ADAMTS17: variants seen among roughly 807,000 people sequenced by gnomAD.
The protein encoded by ADAMTS17 is ADAM metallopeptidase with thrombospondin type 1 motif 17.
A neutral mutation model predicts 141.5 loss-of-function variants in ADAMTS17; 113 were observed. That is an observed-to-expected ratio of 0.80 (90% CI 0.69 to 0.93). The LOEUF (loss-of-function observed/expected upper bound fraction) is 0.93, where lower values mean the gene tolerates loss of function less well. ADAMTS17 is among the 40% of genes least tolerant of loss of function. The pLI is 0.00. For missense variants in ADAMTS17, 1,659 were observed against 1,517.9 expected (o/e 1.09, Z -1.54); for synonymous variants, 768 against 630.6 (o/e 1.22, Z -3.27).
In ADAMTS17 at chr15:100,076,800, T is replaced by C. The variant is rs561602108; in HGVS notation, c.2137+19556A>G. Among the ~76,000 whole-genome samples the C allele has an allele frequency of 1.3e-4, 20 of 152,330 alleles. No homozygotes were observed. In the South Asian group the frequency reaches 3.7e-3, roughly 28 times the overall value. ...ATACTACACAAACAAAAACATAGCA[T>C]AGTATTTTCATATTTACATTTGTCT... On this transcript the variant is annotated intron_variant, in intron 15 of 21. Coordinates refer to ENST00000268070, the MANE Select transcript of ADAMTS17 (RefSeq NM_139057.4).
chr15:99,972,925 A>C lies in ADAMTS17; in HGVS notation c.*1477T>G, dbSNP rs1260891377. 1 of 152,246 alleles carries C rather than the reference A, an allele frequency of 6.6e-6. No individual in the cohort carries two copies. The highest frequency in any genetic ancestry group is 2.4e-5 in the African/African-American group (1 of 41,446). The allele number at this position is 152,246 out of a possible 1,614,324, so 9.4% of individuals were successfully genotyped here. A position where few individuals can be genotyped will look rare whatever the true frequency, so the allele number is the denominator to read the frequency against. On this transcript the variant is annotated 3_prime_UTR_variant, in exon 22 of 22. Coordinates refer to ENST00000268070, the MANE Select transcript of ADAMTS17 (RefSeq NM_139057.4). ...ATAAATCAAGAAGCACAGGGAGATG[A>C]TCCCATGGAAGTCCAAGTGAGACCT...
intron 2 of ADAMTS17, among the ~76,000 whole-genome samples, chr15:100,338,793 C>T (rs1388281024): frequency 6.6e-6 from 1 of 152,212 alleles, no homozygotes; most frequent in African/African-American, 2.4e-5. Context: ...AGAGCTTCTA[C>T]CACAGTACCA....
intron 7 of ADAMTS17, among the ~76,000 whole-genome samples, chr15:100,245,639 C>G (rs924539518): frequency 1.3e-5 from 2 of 152,210 alleles, no homozygotes; most frequent in African/African-American, 4.8e-5. Context: ...AACTTGGTCC[C>G]CTGGGGCAAC....
chr15:100,279,444 A>T (rs1252236162), intron 4 of ADAMTS17, among the ~76,000 whole-genome samples: 1 of 152,102 alleles, frequency 6.6e-6, no homozygotes, highest in African/African-American at 2.4e-5. Context: ...TCATCTCCCT[A>T]CCCCACAACC....
chr15:100,321,383 A>C lies in ADAMTS17; in HGVS notation c.616+9506T>G, dbSNP rs180778087. On this transcript the variant is annotated intron_variant, in intron 3 of 21. Coordinates refer to ENST00000268070, the MANE Select transcript of ADAMTS17 (RefSeq NM_139057.4). ...CAATACTAGAAACATGAAAACACTA[A>C]CTCTGCCAATGAAAAAACATATTCC... 2.0e-5 allele frequency among the ~76,000 whole-genome samples: 3 copies of C among 152,316 alleles called. No homozygotes were observed. In the East Asian group the frequency reaches 5.8e-4, roughly 29 times the overall value.
At chr15:100,283,843 C>A (rs1053811652) in intron 3 of ADAMTS17, among the ~76,000 whole-genome samples, 1 of 152,160 alleles carries the variant, frequency 6.6e-6, no homozygotes, top group East Asian at 1.9e-4. Flanking sequence ...CAGTGGCTCA[C>A]GCCTGTAATC....
At chr15:100,037,419 T>C (rs576529813) in intron 18 of ADAMTS17, among the ~76,000 whole-genome samples, 6 of 136,486 alleles carry the variant, frequency 4.4e-5, no homozygotes, top group East Asian at 4.1e-4. Flanking sequence ...TTTTTTTTTT[T>C]CTTCTTTTTG....
At chr15:100,230,072 A>G (rs2042429356) in intron 7 of ADAMTS17, among the ~76,000 whole-genome samples, 2 of 152,364 alleles carry the variant, frequency 1.3e-5, no homozygotes, top group South Asian at 4.1e-4. Context: ...TTCCTGGCCA[A>G]GCTGCACGAG....
chr15:100,082,997 G>A (rs2034855975), intron 15 of ADAMTS17, among the ~76,000 whole-genome samples: 1 of 152,112 alleles, frequency 6.6e-6, no homozygotes, highest in Non-Finnish European at 1.5e-5. Context: ...AACTCCTAGA[G>A]CTGCTGTGTT....
chr15:100,030,673 G>A (rs998707004), intron 18 of ADAMTS17, among the ~76,000 whole-genome samples: 1 of 152,176 alleles, frequency 6.6e-6, no homozygotes, highest in Admixed American at 6.5e-5. Context: ...CATTCAAGAG[G>A]TTAGAAATGA....
intron 7 of ADAMTS17, among the ~76,000 whole-genome samples, chr15:100,240,331 C>T (rs1398655886): frequency 6.6e-6 from 1 of 152,258 alleles, no homozygotes; most frequent in Non-Finnish European, 1.5e-5. Flanking sequence ...CAGATGCCTT[C>T]AGCAACGTCA....
At chr15:100,114,397 C>T (rs2036983159) in intron 13 of ADAMTS17, among the ~76,000 whole-genome samples, 1 of 152,082 alleles carries the variant, frequency 6.6e-6, no homozygotes, top group Admixed American at 6.5e-5. Flanking sequence ...ACTTATAATC[C>T]GTATTCCCCT....
intron 14 of ADAMTS17, among the ~76,000 whole-genome samples, chr15:100,101,396 A>G (rs985108720): frequency 1.3e-5 from 2 of 152,250 alleles, no homozygotes; most frequent in Non-Finnish European, 2.9e-5. Context: ...CCAGCACACA[A>G]TACAGTGTGC....
chr15:100,143,378 G>A (rs2038749734), intron 10 of ADAMTS17, among the ~76,000 whole-genome samples: 1 of 152,214 alleles, frequency 6.6e-6, no homozygotes, highest in African/African-American at 2.4e-5. Context: ...CAGTGACTTT[G>A]CTGACAGACA....
intron 12 of ADAMTS17, among the ~76,000 whole-genome samples, chr15:100,124,625 T>G (rs74037400): frequency 6.6e-6 from 1 of 152,226 alleles, no homozygotes; most frequent in Non-Finnish European, 1.5e-5. Flanking sequence ...TGTACTGACA[T>G]ATACCTGCAC....
intron 3 of ADAMTS17, among the ~76,000 whole-genome samples, chr15:100,304,648 G>C (rs983497589): frequency 6.6e-6 from 1 of 152,110 alleles, no homozygotes; most frequent in African/African-American, 2.4e-5. Flanking sequence ...TGCCTCCTGA[G>C]GGACTACCTC....
At chr15:100,136,594 G>A (rs1168060638) in intron 10 of ADAMTS17, among the ~76,000 whole-genome samples, 1 of 152,220 alleles carries the variant, frequency 6.6e-6, no homozygotes, top group East Asian at 1.9e-4. Context: ...AGGCAGGCAG[G>A]AGGGGGCTTT....
chr15:100,088,549 A>G (rs1567153245), intron 15 of ADAMTS17, among the ~76,000 whole-genome samples: 2 of 152,152 alleles, frequency 1.3e-5, no homozygotes, highest in Non-Finnish European at 2.9e-5. Flanking sequence ...CTAAGCCAAA[A>G]GAACAAAGCT....
rs2032175118 is a variant in ADAMTS17 at position 100,051,845 on chromosome 15, T to C, written c.2296-114A>G. On this transcript the variant is annotated intron_variant, in intron 16 of 21. Transcript: ENST00000268070. ...TGTTTCTTTATGAGGGGTAACCAGC[T>C]CTTTTCTGGGGCTGAAAACAGGTTC... 3.0e-6 allele frequency: 4 copies of C among 1,348,538 alleles called. No individual in the cohort carries two copies. In the Admixed American group the frequency reaches 6.8e-5, roughly 23 times the overall value. The allele number at this position is 1,348,538 out of a possible 1,614,324, so 83.5% of individuals were successfully genotyped here.
Sources: allele counts gnomAD v4.1 joint callset (sites outside exome capture counted in the v4.1 genomes callset), GRCh38; gene constraint gnomAD v4.1.1; transcripts MANE v1.5; gene names NCBI Gene and HGNC (gene_info 2026-07-23, HGNC 2026-07-21).